Variants in PDE1C observed in about 807,000 individuals in gnomAD.
The protein encoded by PDE1C is phosphodiesterase 1C, also known as dual specificity calcium/calmodulin-dependent 3',5'-cyclic nucleotide phosphodiesterase 1C.
PDE1C carries 62 observed loss-of-function variants against 93.1 expected under a neutral mutation model. The ratio of observed to expected loss-of-function variants is 0.67; its 90% CI spans 0.54 to 0.82. The LOEUF (loss-of-function observed/expected upper bound fraction) is 0.82. Among genes scored for constraint, PDE1C ranks in the 40% least tolerant of loss-of-function variants. PDE1C has a pLI of 0.00. For synonymous variants in PDE1C, 325 were observed against 310.1 expected (o/e 1.05, Z -0.50); for missense variants, 742 against 884.6 (o/e 0.84, Z 2.04).
intron 2 of PDE1C, among the ~76,000 whole-genome samples, chr7:32,208,667 G>T (rs2128840581): frequency 6.6e-6 from 1 of 152,242 alleles, no homozygotes; most frequent in African/African-American, 2.4e-5. Flanking sequence ...TGCATAGTGG[G>T]TTTGGGGAGC....
intron 1 of PDE1C, among the ~76,000 whole-genome samples, chr7:32,058,262 C>G (rs1051690289): frequency 1.3e-5 from 2 of 152,144 alleles, no homozygotes; most frequent in Non-Finnish European, 2.9e-5. Context: ...CTACCACCGC[C>G]GACACACAGA....
At position 32,286,304 on chromosome 7, in the gene PDE1C, T is replaced by G. The variant is rs139987571; in HGVS notation, c.85+12347A>C. 4.5e-4 allele frequency among the ~76,000 whole-genome samples: 68 copies of G among 152,304 alleles called. 1 individual carries two copies. The highest frequency in any genetic ancestry group is 1.6e-3 in the African/African-American group (67 of 41,562). ...TGACATGTCCCATGCATAATCAAGC[T>G]CTCAGATAACCAATGTAGTGTCAGA... is the stretch of plus-strand genomic sequence containing the variant. On this transcript the variant is annotated intron_variant, in intron 1 of 18. Coordinates refer to the PDE1C transcript ENST00000396193.
intron 7 of PDE1C, among the ~76,000 whole-genome samples, chr7:31,851,226 T>C (rs1162667563): frequency 6.6e-6 from 1 of 152,180 alleles, no homozygotes; most frequent in Admixed American, 6.6e-5. Context: ...GGCTTTCTGC[T>C]CTATGCATGC....
At chr7:31,651,721 A>G in the PDE1C span, among the ~76,000 whole-genome samples, 1 of 152,014 alleles carries the variant, frequency 6.6e-6, no homozygotes, top group African/African-American at 2.4e-5. Flanking sequence ...AAATTATTAA[A>G]TTGTGCTCTT....
chr7:31,985,275 T>C (rs940996031), intron 2 of PDE1C, among the ~76,000 whole-genome samples: 1 of 152,180 alleles, frequency 6.6e-6, no homozygotes, highest in African/African-American at 2.4e-5. Context: ...TAAAGGGGTC[T>C]ACATTTTTTT....
chr7:32,382,947 G>T (rs951139067), intron 1 of PDE1C, among the ~76,000 whole-genome samples: 2 of 152,104 alleles, frequency 1.3e-5, no homozygotes, highest in Non-Finnish European at 2.9e-5. Flanking sequence ...GGGTAGAAAA[G>T]TCTGAAACAC....
chr7:31,804,015 G>A (rs1786453443), intron 16 of PDE1C, among the ~76,000 whole-genome samples: 1 of 151,640 alleles, frequency 6.6e-6, no homozygotes, highest in Non-Finnish European at 1.5e-5. Flanking sequence ...GTCTGGTTGG[G>A]CTTTTTCTTT....
At chr7:31,823,403 T>C (rs1351647379) in intron 13 of PDE1C, among the ~76,000 whole-genome samples, 155 bp from the exon 14 acceptor site, 2 of 152,180 alleles carry the variant, frequency 1.3e-5, no homozygotes, top group Non-Finnish European at 2.9e-5. Context: ...TTTCCACATA[T>C]GACCGGTGGG....
At chr7:32,118,108 T>C (rs114706107) in intron 3 of PDE1C, among the ~76,000 whole-genome samples, 4 of 152,200 alleles carry the variant, frequency 2.6e-5, no homozygotes, top group African/African-American at 9.6e-5. Context: ...GCGAGTGCTT[T>C]GGGGAAAAAG....
rs149964844 is a variant in PDE1C, at chr7:32,102,035, T to A, written c.308+67750A>T. ...CAGAGTGAGAACACACTTATTACTGTGAGAATAGCACCAAGCTATTCTTGA... is the reference window on the plus strand; with the variant it reads ...CAGAGTGAGAACACACTTATTACTGAGAGAATAGCACCAAGCTATTCTTGA... On this transcript the variant is annotated intron_variant, in intron 3 of 18. Coordinates refer to the PDE1C transcript ENST00000396193. Among the ~76,000 whole-genome samples, 396 of 152,252 alleles carry A rather than the reference T, an allele frequency of 2.6e-3. 1 individual carries two copies. The highest frequency in any genetic ancestry group is 4.2e-3 in the Non-Finnish European group (284 of 68,022).
At chr7:32,399,525 G>T (rs215730) in intron 1 of PDE1C, among the ~76,000 whole-genome samples, 138,369 of 151,256 alleles carry the variant, frequency 0.91, 64,103 homozygotes, top group East Asian at 0.99. Flanking sequence ...GCTCATCCTC[G>T]TCTTATAAGG....
chr7:31,720,660 G>C, the PDE1C span, among the ~76,000 whole-genome samples: 1 of 152,186 alleles, frequency 6.6e-6, no homozygotes, highest in African/African-American at 2.4e-5. Context: ...CAAATCAACA[G>C]GGTGTCGTTC....
intron 1 of PDE1C, among the ~76,000 whole-genome samples, chr7:32,261,167 A>T (rs2128880559): frequency 6.6e-6 from 1 of 152,250 alleles, no homozygotes; most frequent in South Asian, 2.1e-4. Flanking sequence ...TGGCTCCAAG[A>T]GTCTGAACCT....
At chr7:32,031,863 G>A (rs1427902328) in intron 2 of PDE1C, among the ~76,000 whole-genome samples, 1 of 152,166 alleles carries the variant, frequency 6.6e-6, no homozygotes, top group African/African-American at 2.4e-5. Context: ...AGGAGACTGT[G>A]TCCAGACGTT....
intron 2 of PDE1C, among the ~76,000 whole-genome samples, chr7:31,911,408 C>T (rs943719813): frequency 1.6e-4 from 25 of 152,224 alleles, no homozygotes; most frequent in African/African-American, 6.0e-4. Flanking sequence ...TCTGAAGGGG[C>T]TCAGTACTGA....
the PDE1C span, chr7:31,708,017 G>A: frequency 1.3e-5 from 2 of 152,212 alleles, no homozygotes; most frequent in African/African-American, 4.8e-5. Flanking sequence ...TGTGTCACAA[G>A]TGAGTCATTA....
chr7:31,642,976 A>G, the PDE1C span: 1 of 1,614,028 alleles, frequency 6.2e-7, no homozygotes, highest in East Asian at 2.2e-5. Context: ...ATGCCCAAGG[A>G]AAGACAGCCA....
intron 1 of PDE1C, among the ~76,000 whole-genome samples, chr7:32,334,926 A>G (rs997448645): frequency 5.9e-5 from 9 of 152,246 alleles, no homozygotes; most frequent in African/African-American, 2.2e-4. Context: ...ATACTACTTT[A>G]ATAATAAGAA....
At chr7:31,622,009 G>T in the PDE1C span, among the ~76,000 whole-genome samples, 7 of 141,880 alleles carry the variant, frequency 4.9e-5, no homozygotes, top group Non-Finnish European at 1.1e-4. Flanking sequence ...AGACAAAGAA[G>T]GCCATTACAT....
Sources: allele counts gnomAD v4.1 joint callset (sites outside exome capture counted in the v4.1 genomes callset), GRCh38; gene constraint gnomAD v4.1.1; transcripts MANE v1.5; gene names NCBI Gene and HGNC (gene_info 2026-07-23, HGNC 2026-07-21).